Variants in RALGPS1 observed in about 807,000 individuals in gnomAD.
RALGPS1 encodes ras-specific guanine nucleotide-releasing factor RalGPS1.
A neutral mutation model predicts 78.8 loss-of-function variants in RALGPS1; 19 were observed. The observed-to-expected ratio is 0.24, with a 90% confidence interval of 0.17 to 0.35. The LOEUF (loss-of-function observed/expected upper bound fraction) is 0.35, where lower values mean the gene tolerates loss of function less well. Among genes scored for constraint, RALGPS1 ranks in the 10% least tolerant of loss-of-function variants. The pLI is 1.00. For missense variants in RALGPS1, 454 were observed against 688.3 expected (o/e 0.66, Z 3.81); for synonymous variants, 228 against 256.3 (o/e 0.89, Z 1.06).
At chr9:127,023,007 G>A (rs964060290) in intron 4 of RALGPS1, among the ~76,000 whole-genome samples, 4 of 152,206 alleles carry the variant, frequency 2.6e-5, no homozygotes, top group African/African-American at 4.8e-5. Context: ...GAATGTAGAT[G>A]TGCTTTATAA....
chr9:127,043,257 G>C (rs369196162), intron 5 of RALGPS1, among the ~76,000 whole-genome samples: 4 of 152,192 alleles, frequency 2.6e-5, no homozygotes, highest in Admixed American at 2.0e-4. Context: ...TGGTATTGGC[G>C]AAAGAATTGG....
intron 7 of RALGPS1, among the ~76,000 whole-genome samples, chr9:127,062,129 G>A (rs906355646): frequency 1.5e-4 from 23 of 151,920 alleles, no homozygotes; most frequent in African/African-American, 3.1e-4. Context: ...ACGGAGTCTC[G>A]CTCTGTCACC....
intron 8 of RALGPS1, among the ~76,000 whole-genome samples, chr9:127,123,109 G>C (rs534547779): frequency 6.6e-6 from 1 of 152,182 alleles, no homozygotes; most frequent in Non-Finnish European, 1.5e-5. Flanking sequence ...CCAGGCTGGC[G>C]GGCGGGGCAG....
chr9:127,071,575 C>G (rs1196319046), intron 8 of RALGPS1, among the ~76,000 whole-genome samples: 2 of 151,986 alleles, frequency 1.3e-5, no homozygotes, highest in Non-Finnish European at 2.9e-5. Flanking sequence ...AGTTGAATTA[C>G]TGGTTTATTT....
chr9:127,172,174 G>A (rs1305280333), intron 10 of RALGPS1, among the ~76,000 whole-genome samples: 2 of 152,156 alleles, frequency 1.3e-5, no homozygotes, highest in African/African-American at 2.4e-5. Context: ...CACAGGGCCC[G>A]CATGCCCTGC....
intron 4 of RALGPS1, among the ~76,000 whole-genome samples, chr9:127,024,195 C>T (rs2045757482): frequency 6.6e-6 from 1 of 151,740 alleles, no homozygotes; most frequent in South Asian, 2.1e-4. Context: ...ATATTTTTTA[C>T]AAGGTTTACA....
intron 1 of RALGPS1, among the ~76,000 whole-genome samples, chr9:126,916,840 A>G (rs2034218563): frequency 6.6e-6 from 1 of 152,090 alleles, no homozygotes; most frequent in African/African-American, 2.4e-5. Flanking sequence ...GCCTGACTCC[A>G]CTGTGTACCC....
At chr9:127,135,011 T>C (rs1327469389) in intron 8 of RALGPS1, among the ~76,000 whole-genome samples, 1 of 152,186 alleles carries the variant, frequency 6.6e-6, no homozygotes, top group Non-Finnish European at 1.5e-5. Context: ...CACTCATCTC[T>C]GCTGCCTGGG....
chr9:126,964,762 T>C (rs1382475904), intron 2 of RALGPS1, among the ~76,000 whole-genome samples: 1 of 152,218 alleles, frequency 6.6e-6, no homozygotes, highest in African/African-American at 2.4e-5. Flanking sequence ...CTTTTTAACC[T>C]TACATTTGCA....
intron 4 of RALGPS1, among the ~76,000 whole-genome samples, chr9:126,998,372 T>A (rs2042971497): frequency 6.6e-6 from 1 of 152,150 alleles, no homozygotes; most frequent in Non-Finnish European, 1.5e-5. Flanking sequence ...GAACAGACAC[T>A]TCTCAAAAGA....
At chr9:127,199,882 G>T (rs972164068) in intron 14 of RALGPS1, among the ~76,000 whole-genome samples, 7 of 151,356 alleles carry the variant, frequency 4.6e-5, no homozygotes, top group Admixed American at 1.3e-4. Flanking sequence ...GTTTGCACCA[G>T]TATCCAGGGC....
chr9:126,962,006 T>G (rs935815651), intron 1 of RALGPS1, among the ~76,000 whole-genome samples: 2 of 152,180 alleles, frequency 1.3e-5, no homozygotes, highest in Non-Finnish European at 2.9e-5. Context: ...AATCTTCCAA[T>G]TTTTAAATGT....
chr9:126,977,182 G>A (rs979266439), intron 3 of RALGPS1, among the ~76,000 whole-genome samples: 9 of 152,252 alleles, frequency 5.9e-5, no homozygotes, highest in South Asian at 2.1e-4. Context: ...CTGTGGGTGC[G>A]TCTTGAATAG....
intron 14 of RALGPS1, among the ~76,000 whole-genome samples, chr9:127,202,329 G>A (rs1198597278): frequency 6.6e-6 from 1 of 152,146 alleles, no homozygotes; most frequent in African/African-American, 2.4e-5. Flanking sequence ...TGCCTTCCCT[G>A]AGTTTATGCA....
At chr9:127,174,599 A>T in intron 10 of RALGPS1, 116 bp from the exon 11 acceptor site, 1 of 869,990 alleles carries the variant, frequency 1.1e-6, no homozygotes, top group Non-Finnish European at 1.9e-6. Flanking sequence ...TGTGATCTGG[A>T]GCAGATCTCA....
intron 1 of RALGPS1, among the ~76,000 whole-genome samples, chr9:126,915,277 G>GCGGGGC (rs1226003284): frequency 1.4e-5 from 2 of 142,010 alleles, no homozygotes; most frequent in Non-Finnish European, 3.1e-5. Flanking sequence ...GGCGCGGGGG[G>GCGGGGC]CGGGGCCGGG....
chr9:127,213,798 AT>A (rs2062421101), intron 17 of RALGPS1: 1 of 152,236 alleles, frequency 6.6e-6, no homozygotes. Flanking sequence ...ATTGATTAAA[AT>A]TCAGATTTGG....
intron 8 of RALGPS1, among the ~76,000 whole-genome samples, chr9:127,112,545 A>T (rs568891569): frequency 6.6e-6 from 1 of 152,338 alleles, no homozygotes; most frequent in Non-Finnish European, 1.5e-5. Context: ...TTTGATTTGC[A>T]CTATTTATGG....
rs57258150 is a variant in RALGPS1 at position 127,043,613 on chromosome 9, A to G, written c.301-6430A>G. Among the ~76,000 whole-genome samples, 444 of 152,338 alleles carry G rather than the reference A, an allele frequency of 2.9e-3. 3 individuals are homozygous for G. The highest frequency in any genetic ancestry group is 0.01 in the African/African-American group (424 of 41,584). ...GAAAGAAAAAATAAGTTGGAACTTTATGAAAATTAAATTTTTTTCACTCTG... is the reference window on the plus strand; with the variant it reads ...GAAAGAAAAAATAAGTTGGAACTTTGTGAAAATTAAATTTTTTTCACTCTG... On this transcript the variant is annotated intron_variant, in intron 5 of 18. Coordinates refer to ENST00000259351, the MANE Select transcript of RALGPS1 (RefSeq NM_014636.3).
Sources: allele counts gnomAD v4.1 joint callset (sites outside exome capture counted in the v4.1 genomes callset), GRCh38; gene constraint gnomAD v4.1.1; transcripts MANE v1.5; gene names NCBI Gene and HGNC (gene_info 2026-07-23, HGNC 2026-07-21).